The following GRIK2 variants were observed in gnomAD, a reference collection of about 807,000 sequenced individuals.
The protein encoded by GRIK2 is glutamate receptor ionotropic, kainate 2.
GRIK2 carries 32 observed loss-of-function variants against 100.3 expected under a neutral mutation model. The ratio of observed to expected loss-of-function variants is 0.32; its 90% CI spans 0.24 to 0.43. GRIK2 has a LOEUF of 0.43. Ranked by LOEUF, GRIK2 falls within the 20% of genes least tolerant of loss-of-function variation. GRIK2 has a pLI of 1.00. For missense variants in GRIK2, 843 were observed against 1,114.9 expected (o/e 0.76, Z 3.47); for synonymous variants, 417 against 389.4 (o/e 1.07, Z -0.83).
intron 2 of GRIK2, among the ~76,000 whole-genome samples, chr6:101,412,821 C>G (rs1174035617): frequency 6.6e-6 from 1 of 151,750 alleles, no homozygotes; most frequent in Non-Finnish European, 1.5e-5. Flanking sequence ...ATTACTATAC[C>G]TTTGACCTTT....
intron 7 of GRIK2, among the ~76,000 whole-genome samples, chr6:101,706,913 GCTT>G (rs1190311528): frequency 4.0e-5 from 6 of 151,840 alleles, no homozygotes; most frequent in Non-Finnish European, 7.4e-5. Context: ...TTTCAGCAGA[GCTT>G]CTTCATAGTC....
At chr6:101,478,639 G>A (rs1363124191) in intron 2 of GRIK2, among the ~76,000 whole-genome samples, 1 of 149,810 alleles carries the variant, frequency 6.7e-6, no homozygotes, top group Non-Finnish European at 1.5e-5. Flanking sequence ...TCAGCCTCCC[G>A]AGTAGCTGGG....
chr6:101,949,579 A>C (rs1263659608), intron 14 of GRIK2, among the ~76,000 whole-genome samples: 1 of 151,416 alleles, frequency 6.6e-6, no homozygotes, highest in Admixed American at 6.6e-5. Context: ...TCATTGTTCA[A>C]CTCCCACTTA....
intron 2 of GRIK2, among the ~76,000 whole-genome samples, chr6:101,469,264 A>G (rs1249497942): frequency 1.3e-5 from 2 of 152,204 alleles, no homozygotes; most frequent in African/African-American, 4.8e-5. Flanking sequence ...TTATTGTAAA[A>G]TTAAAACATG....
In GRIK2 at chr6:102,061,203, C is replaced by T. The variant is rs1771733558; in HGVS notation, c.2562+5623C>T. On this transcript the variant is annotated intron_variant, in intron 16 of 16. Transcript: ENST00000369134. ...TGATAACCCATACTCTTTGTATCCC[C>T]ACAAATAATTATTTTTAATTAAAAT... Among the ~76,000 whole-genome samples, 5 of 150,542 alleles carry T rather than the reference C, an allele frequency of 3.3e-5. No individual in the cohort carries two copies. In the South Asian group the frequency reaches 1.0e-3, roughly 31 times the overall value.
intron 2 of GRIK2, among the ~76,000 whole-genome samples, chr6:101,612,529 T>C (rs1244652222): frequency 1.3e-5 from 2 of 151,868 alleles, no homozygotes; most frequent in Admixed American, 6.6e-5. Context: ...TTCATACTTA[T>C]TTAAATTTCT....
intron 2 of GRIK2, among the ~76,000 whole-genome samples, chr6:101,602,677 C>A (rs991252987): frequency 6.6e-6 from 1 of 151,348 alleles, no homozygotes; most frequent in Non-Finnish European, 1.5e-5. Context: ...GTTTCAGTGC[C>A]TGGATTGGAG....
intron 14 of GRIK2, among the ~76,000 whole-genome samples, chr6:101,954,156 T>A (rs932006958): frequency 3.3e-5 from 5 of 152,180 alleles, no homozygotes; most frequent in Non-Finnish European, 7.4e-5. Flanking sequence ...CTTACTGTAG[T>A]TTGGAAATTA....
intron 14 of GRIK2, among the ~76,000 whole-genome samples, chr6:101,991,391 GTT>G (rs35883376): frequency 6.8e-6 from 1 of 146,422 alleles, no homozygotes; most frequent in Admixed American, 6.8e-5. Flanking sequence ...TATTTGCTAT[GTT>G]TTTTTTTTTA....
rs576064079 is a variant in GRIK2, at chr6:101,932,350, T to C, written c.2085+3718T>C. ...TTTAAAAATGTAAGCTCCATCCAAA[T>C]TGATGTATTCCTAGTCCTGTGTTGC... On this transcript the variant is annotated intron_variant, in intron 14 of 16. Coordinates refer to ENST00000369134, the MANE Select transcript of GRIK2 (RefSeq NM_021956.5). 7.0e-4 allele frequency among the ~76,000 whole-genome samples: 107 copies of C among 152,184 alleles called. 1 individual carries two copies. In the South Asian group the frequency reaches 0.02, roughly 28 times the overall value.
At chr6:101,706,617 C>T (rs1773315443) in intron 7 of GRIK2, among the ~76,000 whole-genome samples, 1 of 151,868 alleles carries the variant, frequency 6.6e-6, no homozygotes, top group Admixed American at 6.6e-5. Context: ...AGTTTTCAGA[C>T]CGTGCTATAG....
At chr6:101,845,074 G>A (rs553013356) in intron 10 of GRIK2, among the ~76,000 whole-genome samples, 60 of 151,974 alleles carry the variant, frequency 3.9e-4, no homozygotes, top group Non-Finnish European at 7.2e-4. Context: ...AAGCTGGAGA[G>A]TAGTGGTGCT....
intron 7 of GRIK2, among the ~76,000 whole-genome samples, chr6:101,733,587 A>G (rs925937825): frequency 1.3e-5 from 2 of 151,974 alleles, no homozygotes; most frequent in African/African-American, 2.4e-5. Flanking sequence ...CCACATCTTT[A>G]ATGTTCTCTT....
At chr6:101,411,186 T>C (rs949463229) in intron 2 of GRIK2, among the ~76,000 whole-genome samples, 18 of 152,120 alleles carry the variant, frequency 1.2e-4, no homozygotes, top group Non-Finnish European at 2.4e-4. Context: ...GCTTGTTCCC[T>C]TAAATTCATT....
intron 10 of GRIK2, among the ~76,000 whole-genome samples, chr6:101,818,839 G>A (rs1562412563): frequency 6.6e-6 from 1 of 152,042 alleles, no homozygotes; most frequent in Non-Finnish European, 1.5e-5. Flanking sequence ...AGTGAACTTT[G>A]CTTCTGCTTT....
chr6:101,927,242 T>G (rs1189693196), intron 13 of GRIK2: 3 of 242,764 alleles, frequency 1.2e-5, no homozygotes, highest in African/African-American at 2.3e-5. Flanking sequence ...ATACCACTTA[T>G]TTTTCAAGCT....
rs186698420 is a variant in GRIK2 at position 101,872,668 on chromosome 6, C to A, written c.1524+13175C>A. 4.8e-3 allele frequency among the ~76,000 whole-genome samples: 736 copies of A among 151,954 alleles called. 9 individuals carry two copies. The highest frequency in any genetic ancestry group is 6.0e-3 in the Non-Finnish European group (407 of 67,884). On this transcript the variant is annotated intron_variant, in intron 11 of 16. Coordinates refer to ENST00000369134, the MANE Select transcript of GRIK2 (RefSeq NM_021956.5). ...GCACTCATCAATAATTCCCCCTTCC[C>A]ATCCCCTCTGAATAGCATGTACTCA... is the stretch of plus-strand genomic sequence containing the variant.
At chr6:101,410,404 T>C (rs1161870196) in intron 2 of GRIK2, among the ~76,000 whole-genome samples, 4 of 152,122 alleles carry the variant, frequency 2.6e-5, no homozygotes, top group East Asian at 3.9e-4. Flanking sequence ...AGTTGTTATA[T>C]TGGCTGCTTA....
intron 7 of GRIK2, among the ~76,000 whole-genome samples, chr6:101,731,678 T>C (rs1024683383): frequency 6.6e-6 from 1 of 151,932 alleles, no homozygotes; most frequent in East Asian, 1.9e-4. Context: ...AGGAAAATGT[T>C]GTAATCTATT....
Sources: allele counts gnomAD v4.1 joint callset (sites outside exome capture counted in the v4.1 genomes callset), GRCh38; gene constraint gnomAD v4.1.1; transcripts MANE v1.5; gene names NCBI Gene and HGNC (gene_info 2026-07-23, HGNC 2026-07-21).